Variants in OR52N2 observed in about 807,000 individuals in gnomAD.
OR52N2 encodes the protein olfactory receptor 52N2.
For missense variants in OR52N2, 326 were observed against 196.6 expected (o/e 1.66, Z -3.94); for synonymous variants, 129 against 72.0 (o/e 1.79, Z -4.01).
intron 1 of OR52N2, among the ~76,000 whole-genome samples, chr11:5,819,972 T>C (rs1036944873): frequency 3.9e-5 from 6 of 152,288 alleles, no homozygotes; most frequent in Middle Eastern, 3.4e-3. Flanking sequence ...AATGGACTTA[T>C]TGAAGGAGGA....
At position 5,821,202 on chromosome 11, in the gene OR52N2, C is replaced by A. The variant is rs979260995; in HGVS notation, c.867C>A (p.Thr289=). The part of the protein sequence containing the change: ...VANLYLLLPP[T]MNPIVYGVKT... ...ACCTTTATCTGCTACTGCCTCCTAC[C>A]ATGAACCCAATTGTTTATGGAGTCA... Residue 289 remains threonine (T), a synonymous_variant, in exon 2 of 2, where the codon ACC becomes ACA. Coordinates refer to ENST00000317037, the MANE Select transcript of OR52N2 (RefSeq NM_001005174.3). The A allele has an allele frequency of 3.8e-6, 3 of 780,890 alleles. No homozygotes were observed. Among genetic ancestry groups the A allele is most frequent in the Non-Finnish European group, 7.2e-6 (3 of 418,124 alleles). The allele number at this position is 780,890 out of a possible 1,614,324, so 48.4% of individuals were successfully genotyped here. A position where few individuals can be genotyped will look rare whatever the true frequency, so the allele number is the denominator to read the frequency against.
Position 5,820,727 on chromosome 11 carries a change from C to T in OR52N2, c.392C>T (p.Pro131Leu), listed in dbSNP as rs747455730. ...ALDRYVAICYPLRYATILTNP... is the reference protein window; with the variant it reads ...ALDRYVAICYLLRYATILTNP... Reference sequence around the variant, plus strand: ...GACCGCTATGTGGCCATCTGCTACCCCTTACGCTATGCCACCATCCTTACC... The same window carrying T: ...GACCGCTATGTGGCCATCTGCTACCTCTTACGCTATGCCACCATCCTTACC... The change falls in exon 2 of 2, where the codon CCC becomes CTC. Residue 131 changes from proline to leucine, a missense_variant. Physicochemically the swap from Pro to Leu is moderately conservative, Grantham distance 98. Transcript: ENST00000317037. 4 of 786,992 alleles carry T rather than the reference C, an allele frequency of 5.1e-6. No homozygotes were observed. Among genetic ancestry groups the T allele is most frequent in the South Asian group, 2.7e-5 (2 of 73,690 alleles). 48.8% of individuals were successfully genotyped at this position (786,992 alleles called of 1,614,324 possible).
intron 1 of OR52N2, among the ~76,000 whole-genome samples, chr11:5,815,997 A>G (rs887098763): frequency 1.3e-5 from 2 of 152,102 alleles, no homozygotes; most frequent in Admixed American, 1.3e-4. Flanking sequence ...CAGACTTAAA[A>G]AGGAAGAACA....
intron 1 of OR52N2, among the ~76,000 whole-genome samples, chr11:5,811,826 T>C (rs958981509): frequency 3.9e-5 from 6 of 152,144 alleles, no homozygotes; most frequent in African/African-American, 1.4e-4. Flanking sequence ...TGTGAGGGCA[T>C]CACTTCACCT....
At chr11:5,812,494 C>CAAAAA (rs57515736) in intron 1 of OR52N2, among the ~76,000 whole-genome samples, 2 of 104,082 alleles carry the variant, frequency 1.9e-5, no homozygotes, top group African/African-American at 8.3e-5. Context: ...GACTCCATCT[C>CAAAAA]AAAAAAAAAA....
At chr11:5,815,233 T>A (rs1846395130) in intron 1 of OR52N2, among the ~76,000 whole-genome samples, 1 of 152,114 alleles carries the variant, frequency 6.6e-6, no homozygotes, top group African/African-American at 2.4e-5. Context: ...TAAATTAGAC[T>A]TTATGAAATT....
intron 1 of OR52N2, among the ~76,000 whole-genome samples, chr11:5,810,495 G>A (rs7122745): frequency 0.57 from 84,393 of 148,814 alleles, 23,858 homozygotes; most frequent in Non-Finnish European, 0.63. Flanking sequence ...GTCAAATGAA[G>A]CAAAAACGCA....
intron 1 of OR52N2, among the ~76,000 whole-genome samples, chr11:5,810,073 A>G (rs1846344787): frequency 6.6e-6 from 1 of 152,230 alleles, no homozygotes; most frequent in East Asian, 1.9e-4. Context: ...TGGGAGAAGC[A>G]TCAGATATCA....
intron 1 of OR52N2, among the ~76,000 whole-genome samples, chr11:5,809,485 G>T (rs1359088751): frequency 6.6e-6 from 1 of 152,154 alleles, no homozygotes; most frequent in Non-Finnish European, 1.5e-5. Context: ...AGGTAACTAC[G>T]GGAACAGATG....
chr11:5,809,678 CA>C, intron 1 of OR52N2, among the ~76,000 whole-genome samples: 1 of 149,788 alleles, frequency 6.7e-6, no homozygotes, highest in Admixed American at 6.6e-5. Flanking sequence ...AAGCTATTTT[CA>C]AAGCAGTTCT....
chr11:5,815,540 A>T (rs1172039553), intron 1 of OR52N2, among the ~76,000 whole-genome samples: 2 of 152,124 alleles, frequency 1.3e-5, no homozygotes, highest in African/African-American at 2.4e-5. Flanking sequence ...ACCTTACACC[A>T]ATTAGGATGG....
rs146516368 is a variant in OR52N2, at chr11:5,810,790, AAT to A, written c.-55+1739_-55+1740del. Among the ~76,000 whole-genome samples the A allele has an allele frequency of 3.5e-3, 530 of 152,088 alleles. 2 individuals carry two copies. The highest frequency in any genetic ancestry group is 0.012 in the African/African-American group (498 of 41,508). On this transcript the variant is annotated intron_variant, in intron 1 of 1. Coordinates refer to ENST00000317037, the MANE Select transcript of OR52N2 (RefSeq NM_001005174.3). ...AGTACACAATCTTTTTTTTTAACCT[AAT>A]ATGTTACCTTTTTGTTGTTTTGTTA...
chr11:5,812,862 A>T (rs1190811073), intron 1 of OR52N2, among the ~76,000 whole-genome samples: 3 of 152,076 alleles, frequency 2.0e-5, no homozygotes. Flanking sequence ...GACTGAAATC[A>T]TATCAAATAT....
In OR52N2 at chr11:5,816,682, G is replaced by A. The variant is rs111249899; in HGVS notation, c.-54-3600G>A. Among the ~76,000 whole-genome samples the A allele has an allele frequency of 3.4e-3, 512 of 152,202 alleles. 1 individual carries two copies. Among genetic ancestry groups the A allele is most frequent in the African/African-American group, 0.011 (444 of 41,508 alleles). ...AGCCTCCCGAGTTGCTGGGACTACA[G>A]GCTTGCACTACCACGCCTGGCTAAT... On this transcript the variant is annotated intron_variant, in intron 1 of 1. Transcript: ENST00000317037.
At chr11:5,810,743 G>A (rs1846353852) in intron 1 of OR52N2, among the ~76,000 whole-genome samples, 1 of 151,980 alleles carries the variant, frequency 6.6e-6, no homozygotes, top group Non-Finnish European at 1.5e-5. Context: ...TCAAATCAGG[G>A]GCCAGTTCTA....
intron 1 of OR52N2, among the ~76,000 whole-genome samples, chr11:5,810,532 T>C (rs1049726109): frequency 1.3e-5 from 2 of 150,910 alleles, no homozygotes; most frequent in East Asian, 1.9e-4. Context: ...GTATGAGATG[T>C]AATGTCACAA....
In OR52N2 at chr11:5,821,051, C is replaced by A. The variant is rs747916948; in HGVS notation, c.716C>A (p.Ala239Asp). 5.1e-6 allele frequency: 4 copies of A among 780,844 alleles called. No individual in the cohort carries two copies. Among genetic ancestry groups the A allele is most frequent in the African/African-American group, 1.7e-5 (1 of 59,130 alleles). The allele number at this position is 780,844 out of a possible 1,614,324, so 48.4% of individuals were successfully genotyped here. ...TCATCAGCAGATGCTCGTCACAAAGCCTTCAGCACCTGCACATCTCACATG... is the reference window on the plus strand; with the variant it reads ...TCATCAGCAGATGCTCGTCACAAAGACTTCAGCACCTGCACATCTCACATG... The part of the protein sequence containing the change: ...SLSSADARHK[A>D]FSTCTSHMCS... Residue 239 changes from alanine (A) to aspartate (D), a missense_variant, in exon 2 of 2, where the codon GCC becomes GAC. Coordinates refer to ENST00000317037, the MANE Select transcript of OR52N2 (RefSeq NM_001005174.3).
chr11:5,820,756 C>A lies in OR52N2; in HGVS notation c.421C>A (p.Pro141Thr), dbSNP rs767366311. The A allele has an allele frequency of 1.0e-5, 8 of 773,484 alleles. No homozygotes were observed. Among genetic ancestry groups the A allele is most frequent in the African/African-American group, 8.5e-5 (5 of 59,050 alleles). 47.9% of individuals were successfully genotyped at this position (773,484 alleles called of 1,614,324 possible). The change falls in exon 2 of 2, where the codon CCT (proline) becomes ACT (threonine). Residue 141 changes from proline to threonine, a missense_variant. By Grantham distance (38) the Pro-to-Thr change is conservative. Transcript: ENST00000317037. ...ACGCTATGCCACCATCCTTACCAAC[C>A]CTGTCATCGCCAAGGCTGGTCTTGC... Reference protein sequence around the residue: ...PLRYATILTNPVIAKAGLATF... With the variant: ...PLRYATILTNTVIAKAGLATF...
chr11:5,809,877 G>C (rs1846341433), intron 1 of OR52N2, among the ~76,000 whole-genome samples: 1 of 152,094 alleles, frequency 6.6e-6, no homozygotes, highest in African/African-American at 2.4e-5. Flanking sequence ...ATGCAGGAGA[G>C]GCTATCACAA....
Sources: gnomAD v4.1 joint callset for allele counts (sites outside exome capture counted in the v4.1 genomes callset) on GRCh38, gnomAD v4.1.1 for gene constraint, MANE v1.5 for transcripts, NCBI Gene and HGNC (gene_info 2026-07-23, HGNC 2026-07-21) for gene names.